Variants in FNTB observed in about 807,000 individuals in gnomAD.
The protein encoded by FNTB is farnesyltransferase, CAAX box, subunit beta.
FNTB carries 27 observed loss-of-function variants against 59.4 expected under a neutral mutation model. That is an observed-to-expected ratio of 0.45 (90% CI 0.34 to 0.63). The LOEUF (loss-of-function observed/expected upper bound fraction) is 0.63, where lower values mean the gene tolerates loss of function less well. Among genes scored for constraint, FNTB ranks in the 20% least tolerant of loss-of-function variants. FNTB has a pLI of 0.02. For synonymous variants in FNTB, 230 were observed against 220.7 expected (o/e 1.04, Z -0.37); for missense variants, 449 against 559.6 (o/e 0.80, Z 1.99).
intron 11 of FNTB, among the ~76,000 whole-genome samples, chr14:65,059,135 G>A (rs1352819548): frequency 6.6e-6 from 1 of 152,050 alleles, no homozygotes; most frequent in Non-Finnish European, 1.5e-5. Context: ...CTATCCTCCT[G>A]CCTTAGCCTC....
intron 1 of FNTB, among the ~76,000 whole-genome samples, chr14:64,998,457 T>G (rs1227907777): frequency 6.6e-6 from 1 of 152,206 alleles, no homozygotes; most frequent in Non-Finnish European, 1.5e-5. Context: ...CAGTAACAAG[T>G]GTGACCAGTC....
rs1001824104 is a variant in FNTB at position 65,054,719 on chromosome 14, T to C, written c.1182+30T>C. On this transcript the variant is annotated intron_variant, in intron 11 of 11. Transcript: ENST00000246166. The surrounding 1 kb of genome is among the most constrained non-coding windows in gnomAD (Gnocchi z 4.4). ...GACGGGTGCAGGGCTTCACACCCCT[T>C]CTCCACAGGGACCTCGCGGACAGAA... 31 of 1,580,226 alleles carry C rather than the reference T, an allele frequency of 2.0e-5. No individual in the cohort carries two copies. Among genetic ancestry groups the C allele is most frequent in the Non-Finnish European group, 2.7e-5 (31 of 1,161,612 alleles).
rs1454229944 is a variant in FNTB, at chr14:64,994,420, T to C, written c.144+7323T>C. Among the ~76,000 whole-genome samples the C allele has an allele frequency of 2.0e-5, 3 of 152,188 alleles. No individual in the cohort carries two copies. The highest frequency in any genetic ancestry group is 4.4e-5 in the Non-Finnish European group (3 of 68,026). On this transcript the variant is annotated intron_variant, in intron 1 of 11. Transcript: ENST00000246166. The surrounding 1 kb of genome is among the most constrained non-coding windows in gnomAD (Gnocchi z 4.2). ...TTGTCAGTAGGAAATTTCCTTGTCA[T>C]GTGAACATCATAGAGTGTACTTAAC...
chr14:65,008,202 A>G (rs2061626049), intron 2 of FNTB, among the ~76,000 whole-genome samples: 1 of 152,226 alleles, frequency 6.6e-6, no homozygotes, highest in Admixed American at 6.5e-5. Flanking sequence ...TAGTGAGTTT[A>G]GAAAGTCCCC....
rs2062114030 is a variant in FNTB, at chr14:65,032,919, T to G, written c.692+223T>G. On this transcript the variant is annotated intron_variant, in intron 7 of 11. Coordinates refer to ENST00000246166, the MANE Select transcript of FNTB (RefSeq NM_002028.4). The surrounding 1 kb of genome is among the most constrained non-coding windows in gnomAD (Gnocchi z 5.0). ...TTTAGATTGGCAAAGATAAAAAACT[T>G]TGGTAAACAATATTAGTGAGAGCCT... Among the ~76,000 whole-genome samples the G allele has an allele frequency of 6.6e-6, 1 of 152,228 alleles. No individual in the cohort carries two copies. The highest frequency in any genetic ancestry group is 1.5e-5 in the Non-Finnish European group (1 of 68,036).
rs34191835 is a variant in FNTB, at chr14:65,016,920, G to GTTTTTT, written c.374+1219_374+1224dup. ...TAATTGTCAAAGAAAGGCCCACGTG[G>GTTTTTT]TTTTTTTTTTTTTTTTTTTTGAGAC... is the stretch of plus-strand genomic sequence containing the variant. On this transcript the variant is annotated intron_variant, in intron 4 of 11. Transcript: ENST00000246166. Among the ~76,000 whole-genome samples the GTTTTTT allele has an allele frequency of 2.7e-3, 313 of 114,820 alleles. 5 individuals are homozygous for GTTTTTT. The highest frequency in any genetic ancestry group is 4.3e-3 in the Non-Finnish European group (252 of 58,352). 75.3% of individuals were successfully genotyped at this position (114,820 alleles called of 152,430 possible). A position where few individuals can be genotyped will look rare whatever the true frequency, so the allele number is the denominator to read the frequency against.
In FNTB at chr14:65,061,378, A is replaced by G; in HGVS notation, c.*66A>G. On this transcript the variant is annotated 3_prime_UTR_variant, in exon 12 of 12. Coordinates refer to ENST00000246166, the MANE Select transcript of FNTB (RefSeq NM_002028.4). ...CAGTCAGACAAGGTTTATACGTTTC[A>G]ATACATACTGCATTCTGTGCTACAC... is the stretch of plus-strand genomic sequence containing the variant. 1.2e-6 allele frequency: 2 copies of G among 1,604,182 alleles called. No homozygotes were observed. The highest frequency in any genetic ancestry group is 2.7e-5 in the African/African-American group (2 of 74,802).
intron 8 of FNTB, among the ~76,000 whole-genome samples, chr14:65,041,924 C>T (rs1476618259): frequency 6.6e-6 from 1 of 152,122 alleles, no homozygotes; most frequent in East Asian, 1.9e-4. Flanking sequence ...AGACAGTGTT[C>T]TAGATTTGAA....
intron 7 of FNTB, among the ~76,000 whole-genome samples, chr14:65,040,321 ATATATG>A (rs1029000773): frequency 2.3e-4 from 34 of 149,922 alleles, no homozygotes; most frequent in Middle Eastern, 3.6e-3. Flanking sequence ...ATATATGTAC[ATATATG>A]TATATGTATG....
intron 3 of FNTB, 52 bp from the exon 4 acceptor site, chr14:65,015,573 G>A: frequency 1.2e-6 from 2 of 1,601,360 alleles, no homozygotes; most frequent in East Asian, 2.2e-5. Flanking sequence ...TGGCAGCAGT[G>A]TCTTGGAGTG....
intron 1 of FNTB, among the ~76,000 whole-genome samples, chr14:64,993,980 C>T (rs1888302621): frequency 6.6e-6 from 1 of 152,062 alleles, no homozygotes; most frequent in Non-Finnish European, 1.5e-5. Context: ...CTCAGGCTCC[C>T]AAGTACCTGG....
At chr14:65,057,475 T>G (rs2062762341) in intron 11 of FNTB, among the ~76,000 whole-genome samples, 1 of 152,166 alleles carries the variant, frequency 6.6e-6, no homozygotes, top group Non-Finnish European at 1.5e-5. Flanking sequence ...TGGTCAAATC[T>G]ATTTGTCTTT....
chr14:65,022,134 T>C, intron 4 of FNTB: 1 of 453,326 alleles, frequency 2.2e-6, no homozygotes, highest in Non-Finnish European at 4.4e-6. Context: ...GGAGATTTCC[T>C]CTTCACTATA....
rs2061997325 is a variant in FNTB, at chr14:65,027,130, C to G, written c.375-323C>G. ...CAGGGCAGCAAGTTGAGTGGAAAGT[C>G]TGGGAAAGGTTTGTGTGGGAAGCAC... On this transcript the variant is annotated intron_variant, in intron 4 of 11. Transcript: ENST00000246166. This position sits in a 1 kb window ranked among gnomAD's most constrained non-coding sequence, Gnocchi z 5.7. 6.6e-6 allele frequency among the ~76,000 whole-genome samples: 1 copy of G among 152,150 alleles called. No homozygotes were observed. The highest frequency in any genetic ancestry group is 1.5e-5 in the Non-Finnish European group (1 of 68,022).
In FNTB at chr14:65,032,981, T is replaced by C. The variant is rs745630921; in HGVS notation, c.692+285T>C. ...ACCAGTTTTTAGAGCAATTTGACAG[T>C]ATGTCAAAGGTGCCCTTGCGTAGGA... On this transcript the variant is annotated intron_variant, in intron 7 of 11. Coordinates refer to ENST00000246166, the MANE Select transcript of FNTB (RefSeq NM_002028.4). This position sits in a 1 kb window ranked among gnomAD's most constrained non-coding sequence, Gnocchi z 5.0. Among the ~76,000 whole-genome samples the C allele has an allele frequency of 1.3e-5, 2 of 152,196 alleles. No individual in the cohort carries two copies. Among genetic ancestry groups the C allele is most frequent in the Non-Finnish European group, 2.9e-5 (2 of 68,036 alleles).
chr14:65,004,155 TCG>T, intron 1 of FNTB, 92 bp from the exon 2 acceptor site: 1 of 1,424,876 alleles, frequency 7.0e-7, no homozygotes, highest in South Asian at 1.3e-5. Context: ...CAACCAACCC[TCG>T]CCAATAGGCA....
chr14:64,987,829 T>G (rs1888011194), intron 1 of FNTB, among the ~76,000 whole-genome samples: 1 of 152,214 alleles, frequency 6.6e-6, no homozygotes, highest in Non-Finnish European at 1.5e-5. Flanking sequence ...TGAGTATATA[T>G]TCATATGCCC....
intron 10 of FNTB, among the ~76,000 whole-genome samples, chr14:65,053,626 T>TAA (rs201689378): frequency 7.6e-5 from 11 of 144,362 alleles, no homozygotes; most frequent in Non-Finnish European, 9.0e-5. Flanking sequence ...TTCTTTTTTT[T>TAA]AAAAAAAACA....
intron 7 of FNTB, among the ~76,000 whole-genome samples, chr14:65,038,245 C>G (rs2062259932): frequency 6.6e-6 from 1 of 151,266 alleles, no homozygotes; most frequent in Non-Finnish European, 1.5e-5. Flanking sequence ...CCAGCCTCTA[C>G]AAAATATACA....
Sources: allele counts gnomAD v4.1 joint callset (sites outside exome capture counted in the v4.1 genomes callset), GRCh38; gene constraint gnomAD v4.1.1; non-coding constraint Gnocchi (gnomAD v3.1); transcripts MANE v1.5; gene names NCBI Gene and HGNC (gene_info 2026-07-23, HGNC 2026-07-21).